SLC35F4: variants seen among roughly 807,000 people sequenced by gnomAD.
SLC35F4 encodes the protein solute carrier family 35 member F4, also known as chromosome 14 open reading frame 36.
In SLC35F4, 24 loss-of-function variants were observed where a neutral mutation model predicts 44.2. The ratio of observed to expected loss-of-function variants is 0.54; its 90% CI spans 0.39 to 0.76. SLC35F4 has a LOEUF of 0.76. SLC35F4 is among the 30% of genes least tolerant of loss of function. The pLI is 0.00. For synonymous variants in SLC35F4, 238 were observed against 223.6 expected (o/e 1.06, Z -0.57); for missense variants, 562 against 586.1 (o/e 0.96, Z 0.42).
rs896236625 is a variant in SLC35F4 at position 57,668,762 on chromosome 14, A to G, written c.104-74638T>C. Among the ~76,000 whole-genome samples the G allele has an allele frequency of 5.9e-4, 90 of 152,166 alleles. 2 individuals carry two copies. The highest frequency in any genetic ancestry group is 2.0e-3 in the African/African-American group (82 of 41,478). ...GTAATATAGTTTGAAGTCAGGTAGC[A>G]TGATGCCTCCAGCTTTGTTCTTTTG... On this transcript the variant is annotated intron_variant, in intron 1 of 7. Coordinates refer to ENST00000556826, the MANE Select transcript of SLC35F4 (RefSeq NM_001306087.2).
upstream of SLC35F4, among the ~76,000 whole-genome samples, chr14:57,867,437 G>A (rs1888198669): frequency 6.6e-6 from 1 of 152,140 alleles, no homozygotes; most frequent in Non-Finnish European, 1.5e-5. Context: ...TGGAAGGAGA[G>A]TTCATAAAGA....
At chr14:57,576,159 T>C (rs1206010050) in intron 4 of SLC35F4, among the ~76,000 whole-genome samples, 1 of 152,178 alleles carries the variant, frequency 6.6e-6, no homozygotes, top group Non-Finnish European at 1.5e-5. Context: ...CCAGCTCTTT[T>C]AGGGTCCAAG....
Position 57,689,637 on chromosome 14 carries a change from A to T in SLC35F4, c.104-95513T>A, listed in dbSNP as rs1324556633. Among the ~76,000 whole-genome samples the T allele has an allele frequency of 2.0e-5, 3 of 151,636 alleles. No individual in the cohort carries two copies. The East Asian group carries it at 5.8e-4, about 29-fold the overall frequency. The stretch of plus-strand genomic sequence containing the variant: ...TATTGCTTTAAAGACTATCACAGGG[A>T]CAAAAAACCAAACACTGCATGTTCT... On this transcript the variant is annotated intron_variant, in intron 1 of 7. Coordinates refer to ENST00000556826, the MANE Select transcript of SLC35F4 (RefSeq NM_001306087.2).
At chr14:57,880,885 A>G (rs10149649) in intron 1 of SLC35F4, among the ~76,000 whole-genome samples, 12,527 of 152,220 alleles carry the variant, frequency 0.082, 732 homozygotes, top group African/African-American at 0.17. Context: ...TGATGAATAA[A>G]TTGGATTTCT....
intron 1 of SLC35F4, among the ~76,000 whole-genome samples, chr14:57,618,876 G>A (rs2072014777): frequency 6.6e-6 from 1 of 152,180 alleles, no homozygotes; most frequent in Non-Finnish European, 1.5e-5. Context: ...CACCATTGCT[G>A]AGGCTTGAGT....
chr14:57,950,796 A>G (rs1890123776), intron 1 of SLC35F4, among the ~76,000 whole-genome samples: 1 of 151,500 alleles, frequency 6.6e-6, no homozygotes, highest in African/African-American at 2.4e-5. Context: ...AGCCTCCTGA[A>G]TAGCTGGGAC....
chr14:57,675,352 C>T (rs953132764), intron 1 of SLC35F4, among the ~76,000 whole-genome samples: 4 of 152,044 alleles, frequency 2.6e-5, no homozygotes, highest in Non-Finnish European at 5.9e-5. Flanking sequence ...CCGCAATTTA[C>T]TTTGAAAGCA....
intron 1 of SLC35F4, among the ~76,000 whole-genome samples, chr14:57,818,808 G>A (rs1303422920): frequency 6.6e-6 from 1 of 152,166 alleles, no homozygotes; most frequent in Non-Finnish European, 1.5e-5. Context: ...TCAGGACGAA[G>A]TACAACATGT....
chr14:57,941,022 A>G (rs1889907625), intron 1 of SLC35F4, among the ~76,000 whole-genome samples: 5 of 152,194 alleles, frequency 3.3e-5, no homozygotes, highest in Admixed American at 3.3e-4. Context: ...GTAATCCAAA[A>G]TGTGGAAAAT....
At chr14:57,929,523 G>A (rs1239259538) in intron 1 of SLC35F4, among the ~76,000 whole-genome samples, 1 of 151,994 alleles carries the variant, frequency 6.6e-6, no homozygotes, top group Non-Finnish European at 1.5e-5. Context: ...AAAACCTGTA[G>A]CTGTTGAGTA....
chr14:57,601,145 T>G (rs1306577313), intron 1 of SLC35F4, among the ~76,000 whole-genome samples: 1 of 151,938 alleles, frequency 6.6e-6, no homozygotes, highest in Non-Finnish European at 1.5e-5. Flanking sequence ...TTATCTATAT[T>G]TTTGTATGCC....
rs79429493 is a variant in SLC35F4 at position 57,949,663 on chromosome 14, C to G, written n.282+32250G>C. Among the ~76,000 whole-genome samples, 3,099 of 152,118 alleles carry G rather than the reference C, an allele frequency of 0.02. 340 individuals are homozygous for G. The East Asian group carries it at 0.35, about 17-fold the overall frequency. On this transcript the variant is annotated intron_variant and non_coding_transcript_variant, in intron 1 of 1. Coordinates refer to the SLC35F4 transcript ENST00000556568. ...TAAGAAGGTTCTATTTTGGTGTACT[C>G]TGAGGTTTTCTTTGAGATTTGGAAC...
intron 1 of SLC35F4, among the ~76,000 whole-genome samples, chr14:57,671,279 T>G (rs2074513547): frequency 6.6e-6 from 1 of 151,958 alleles, no homozygotes; most frequent in East Asian, 1.9e-4. Flanking sequence ...AAGGGAGTGC[T>G]GGCATCACCC....
rs1396586980 is a variant in SLC35F4 at position 57,817,666 on chromosome 14, T to C, written c.103+48057A>G. ...TTACAAGCAGAAAATGCAGTGGGGA[T>C]AGGGGAGGATTTATTGATGTGCTAT... On this transcript the variant is annotated intron_variant, in intron 1 of 7. Transcript: ENST00000556826. Among the ~76,000 whole-genome samples the C allele has an allele frequency of 4.6e-5, 7 of 151,708 alleles. 2 individuals are homozygous for C. The highest frequency in any genetic ancestry group is 4.2e-4 in the South Asian group (2 of 4,818).
At chr14:57,896,220 T>C (rs1312722561) in intron 1 of SLC35F4, among the ~76,000 whole-genome samples, 1 of 152,026 alleles carries the variant, frequency 6.6e-6, no homozygotes, top group Non-Finnish European at 1.5e-5. Context: ...CAAGAAACAA[T>C]TGTGGGTGGA....
intron 1 of SLC35F4, chr14:57,837,513 C>T (rs554153600): frequency 6.6e-6 from 1 of 152,308 alleles, no homozygotes; most frequent in East Asian, 1.9e-4. Context: ...TTGGAAAGAC[C>T]ACTTGCTTTG....
chr14:57,906,210 G>C (rs990222144), intron 1 of SLC35F4, among the ~76,000 whole-genome samples: 22 of 152,234 alleles, frequency 1.4e-4, no homozygotes, highest in African/African-American at 5.3e-4. Flanking sequence ...AAAAACAGAA[G>C]GTAGAAGTCC....
At chr14:57,648,477 T>C (rs891962597) in intron 1 of SLC35F4, among the ~76,000 whole-genome samples, 10 of 152,224 alleles carry the variant, frequency 6.6e-5, no homozygotes, top group Admixed American at 5.9e-4. Flanking sequence ...ATTGCCATTT[T>C]TTTCTTAGAG....
intron 1 of SLC35F4, among the ~76,000 whole-genome samples, chr14:57,881,885 C>T (rs1566920522): frequency 6.6e-6 from 1 of 152,116 alleles, no homozygotes; most frequent in Non-Finnish European, 1.5e-5. Context: ...GGAGTAATTG[C>T]TCATCTTCCT....
Sources: allele counts gnomAD v4.1 joint callset (sites outside exome capture counted in the v4.1 genomes callset), GRCh38; gene constraint gnomAD v4.1.1; transcripts MANE v1.5; gene names NCBI Gene and HGNC (gene_info 2026-07-23, HGNC 2026-07-21).